Variants in MYO18B observed in about 807,000 individuals in gnomAD.
MYO18B encodes myosin XVIIIB, also known as unconventional myosin-XVIIIb.
In MYO18B, 204 loss-of-function variants were observed where a neutral mutation model predicts 273.0. The ratio of observed to expected loss-of-function variants is 0.75; its 90% confidence interval spans 0.67 to 0.84. The LOEUF (loss-of-function observed/expected upper bound fraction) is 0.84, where lower values mean the gene tolerates loss of function less well. Ranked by LOEUF, MYO18B falls within the 40% of genes least tolerant of loss-of-function variation. The pLI is 0.00. For synonymous variants in MYO18B, 1,330 were observed against 1,305.7 expected, an observed-to-expected ratio of 1.02 and a Z score of -0.40; for missense variants, 3,212 against 3,287.6, an observed-to-expected ratio of 0.98 and a Z score of 0.56.
chr22:26,057,105 G>T, the MYO18B span, among the ~76,000 whole-genome samples: 4 of 151,930 alleles, frequency 2.6e-5, no homozygotes, highest in Admixed American at 2.6e-4. Flanking sequence ...CCGTCCCCTG[G>T]GTTCCCGGCC....
intron 1 of MYO18B, among the ~76,000 whole-genome samples, chr22:25,746,927 C>A (rs1405797205): frequency 2.6e-5 from 4 of 152,136 alleles, no homozygotes; most frequent in Non-Finnish European, 5.9e-5. Flanking sequence ...CGAGACCATC[C>A]TGGCTAACAC....
intron 11 of MYO18B, among the ~76,000 whole-genome samples, chr22:25,797,430 C>A (rs1569033141): frequency 6.6e-6 from 1 of 152,120 alleles, no homozygotes; most frequent in Non-Finnish European, 1.5e-5. Flanking sequence ...GGATTAATTA[C>A]CCCTTCTTCC....
chr22:25,923,890 A>G (rs1462466390), intron 34 of MYO18B, among the ~76,000 whole-genome samples: 1 of 152,034 alleles, frequency 6.6e-6, no homozygotes, highest in African/African-American at 2.4e-5. Flanking sequence ...TTTATTAAGT[A>G]TTCATGAGAA....
At chr22:25,952,162 C>A (rs1042293786) in intron 37 of MYO18B, 124 bp from the exon 38 acceptor site, 2 of 1,101,146 alleles carry the variant, frequency 1.8e-6, no homozygotes, top group African/African-American at 3.1e-5. Context: ...ACATGCAGCA[C>A]ACCTGAGTAG....
intron 27 of MYO18B, among the ~76,000 whole-genome samples, chr22:25,894,231 T>A (rs1341593109): frequency 6.6e-6 from 1 of 152,182 alleles, no homozygotes; most frequent in Admixed American, 6.5e-5. Flanking sequence ...CTTGCTTGAT[T>A]ATTCTGGAAG....
In MYO18B at chr22:25,955,288, G is replaced by T. The variant is rs755068887; in HGVS notation, c.6080G>T (p.Arg2027Leu). 1.2e-5 allele frequency: 20 copies of T among 1,613,816 alleles called. No homozygotes were observed. Among genetic ancestry groups the T allele is most frequent in the South Asian group, 2.2e-5 (2 of 91,044 alleles). ...GAGAGCAGCCAGTACTACCAGCGGC[G>T]CCTGGAAGAGCTGAAGGCCGACATG... The part of the protein sequence containing the change: ...QRESSQYYQR[R>L]LEELKADMEE... The change falls in exon 39 of 44, where the codon CGC becomes CTC. Residue 2027 changes from arginine (R) to leucine (L), a missense_variant. Transcript: ENST00000335473.
intron 25 of MYO18B, among the ~76,000 whole-genome samples, chr22:25,888,679 A>G (rs2091573096): frequency 6.6e-6 from 1 of 152,216 alleles, no homozygotes; most frequent in Non-Finnish European, 1.5e-5. Flanking sequence ...GGAACACCCT[A>G]GGAGAGTCCC....
At chr22:25,817,180 C>T (rs891662234) in intron 12 of MYO18B, among the ~76,000 whole-genome samples, 1 of 151,984 alleles carries the variant, frequency 6.6e-6, no homozygotes, top group Non-Finnish European at 1.5e-5. Flanking sequence ...TCCCTTGTTC[C>T]TTTTCCTCCC....
chr22:25,874,503 A>C (rs1395652089), intron 23 of MYO18B, 89 bp downstream of exon 23: 1 of 1,497,954 alleles, frequency 6.7e-7, no homozygotes, highest in Non-Finnish European at 9.0e-7. Context: ...ATACCGGTGC[A>C]CCGGGTCCAA....
chr22:25,779,394 A>ACTCAT (rs1176771732), intron 8 of MYO18B, among the ~76,000 whole-genome samples: 1 of 152,228 alleles, frequency 6.6e-6, no homozygotes, highest in East Asian at 1.9e-4. Flanking sequence ...GGTAACCAGG[A>ACTCAT]AAGGGCAGAT....
intron 12 of MYO18B, among the ~76,000 whole-genome samples, chr22:25,799,409 G>A (rs1431498474): frequency 6.6e-6 from 1 of 152,118 alleles, no homozygotes; most frequent in Non-Finnish European, 1.5e-5. Flanking sequence ...GGGAGAGAGT[G>A]GGGATGAAGA....
intron 34 of MYO18B, among the ~76,000 whole-genome samples, chr22:25,935,097 C>G (rs1212973656): frequency 1.3e-5 from 2 of 152,182 alleles, no homozygotes; most frequent in African/African-American, 2.4e-5. Context: ...GGGTTAGTTG[C>G]TGGCCACCGC....
intron 20 of MYO18B, among the ~76,000 whole-genome samples, chr22:25,850,056 C>T (rs530785231): frequency 6.6e-6 from 1 of 152,156 alleles, no homozygotes; most frequent in Non-Finnish European, 1.5e-5. Flanking sequence ...CTGGTAACCT[C>T]CCAGGTCCCC....
At position 25,745,472 on chromosome 22, in the gene MYO18B, GACACAC is replaced by G. The variant is rs3068433; in HGVS notation, c.-110+3204_-110+3209del. Among the ~76,000 whole-genome samples, 121 of 146,118 alleles carry G rather than the reference GACACAC, an allele frequency of 8.3e-4. 1 individual carries two copies. Among genetic ancestry groups the G allele is most frequent in the African/African-American group, 2.5e-3 (99 of 39,366 alleles). Reference sequence around the variant, plus strand: ...CATCAAGGTAGATTTCTCTCTCTCTGACACACACACACACACACACACACACACACG... The same window carrying G: ...CATCAAGGTAGATTTCTCTCTCTCTGACACACACACACACACACACACACG... On this transcript the variant is annotated intron_variant, in intron 1 of 43. Coordinates refer to ENST00000335473, the MANE Select transcript of MYO18B (RefSeq NM_032608.7).
At chr22:25,878,104 T>G (rs2091250984) in intron 25 of MYO18B, 56 bp downstream of exon 25, 1 of 1,351,136 alleles carries the variant, frequency 7.4e-7, no homozygotes, top group Non-Finnish European at 1.0e-6. Flanking sequence ...ATGTGAGATC[T>G]GTTTAATGGG....
chr22:25,974,005 G>A (rs998635365), intron 39 of MYO18B, among the ~76,000 whole-genome samples: 10 of 152,128 alleles, frequency 6.6e-5, no homozygotes, highest in Non-Finnish European at 1.0e-4. Context: ...GTCTTAGGAC[G>A]GTGAGGAGGC....
At chr22:26,003,368 G>C in intron 41 of MYO18B, 59 bp downstream of exon 41, 1 of 1,488,448 alleles carries the variant, frequency 6.7e-7, no homozygotes, top group Non-Finnish European at 9.2e-7. Context: ...GGCTCTCTCT[G>C]TCCAGTTTGC....
intron 5 of MYO18B, 35 bp from the exon 6 acceptor site, chr22:25,770,837 C>A (rs1335071085): frequency 6.8e-7 from 1 of 1,479,902 alleles, no homozygotes; most frequent in South Asian, 1.2e-5. Context: ...CCATCTCCTC[C>A]CCGTTCCCCT....
intron 40 of MYO18B, among the ~76,000 whole-genome samples, chr22:26,002,826 G>A (rs1254054966): frequency 6.6e-6 from 1 of 152,174 alleles, no homozygotes. Flanking sequence ...ATCGTAATTA[G>A]TATTGGAGTT....
Sources: allele counts gnomAD v4.1 joint callset (sites outside exome capture counted in the v4.1 genomes callset), GRCh38; gene constraint gnomAD v4.1.1; transcripts MANE v1.5; gene names NCBI Gene and HGNC (gene_info 2026-07-23, HGNC 2026-07-21).